Variants in INPP5D observed in about 807,000 individuals in gnomAD.
The protein encoded by INPP5D is inositol polyphosphate-5-phosphatase D.
Under a neutral mutation model 122.9 loss-of-function variants are expected in INPP5D, and 33 were observed. The observed-to-expected ratio is 0.27, with a 90% CI of 0.20 to 0.36. The LOEUF (loss-of-function observed/expected upper bound fraction) is 0.36. Among genes scored for constraint, INPP5D ranks in the 10% least tolerant of loss-of-function variants. The pLI is 1.00. For synonymous variants in INPP5D, 584 were observed against 576.2 expected, an observed-to-expected ratio of 1.01 and a Z score of -0.19; for missense variants, 1,053 against 1,412.7, an observed-to-expected ratio of 0.75 and a Z score of 4.08.
intron 25 of INPP5D, among the ~76,000 whole-genome samples, chr2:233,201,832 TAC>T (rs1389018792): frequency 6.6e-6 from 1 of 152,176 alleles, no homozygotes; most frequent in African/African-American, 2.4e-5. Context: ...ATCTGAGAAG[TAC>T]AGTCATTTGC....
At chr2:233,102,865 C>CAAAAA (rs1559292506) in intron 2 of INPP5D, among the ~76,000 whole-genome samples, 1 of 141,358 alleles carries the variant, frequency 7.1e-6, no homozygotes, top group African/African-American at 2.7e-5. Flanking sequence ...AAAAAAAAAA[C>CAAAAA]AACCAAAAAA....
chr2:233,171,969 T>C (rs1694503309), intron 17 of INPP5D, among the ~76,000 whole-genome samples: 1 of 152,238 alleles, frequency 6.6e-6, no homozygotes, highest in Non-Finnish European at 1.5e-5. Flanking sequence ...GGGCCCCATC[T>C]GGGCTCAGGA....
intron 9 of INPP5D, among the ~76,000 whole-genome samples, chr2:233,150,820 G>A (rs148150189): frequency 6.6e-6 from 1 of 152,170 alleles, no homozygotes; most frequent in Non-Finnish European, 1.5e-5. Context: ...CTTTTGGGGA[G>A]TGAGGGCAGG....
chr2:233,086,703 C>T (rs975082666), intron 2 of INPP5D, among the ~76,000 whole-genome samples: 2 of 152,206 alleles, frequency 1.3e-5, no homozygotes, highest in Non-Finnish European at 2.9e-5. Context: ...TAATTAATTT[C>T]TTTTTGCTCA....
intron 25 of INPP5D, among the ~76,000 whole-genome samples, chr2:233,203,042 G>A (rs1250526161): frequency 2.0e-5 from 3 of 152,236 alleles, no homozygotes; most frequent in Non-Finnish European, 2.9e-5. Context: ...GAAGGACACT[G>A]TGTTAACCGG....
rs568089328 is a variant in INPP5D at position 233,070,309 on chromosome 2, C to T, written c.135-9026C>T. Among the ~76,000 whole-genome samples, 19 of 152,100 alleles carry T rather than the reference C, an allele frequency of 1.2e-4. No homozygotes were observed. The South Asian group carries it at 3.9e-3, about 32-fold the overall frequency. On this transcript the variant is annotated intron_variant, in intron 1 of 26. Coordinates refer to ENST00000445964, the MANE Select transcript of INPP5D (RefSeq NM_001017915.3). ...TATAGTGAAGTCTCTCAGTCTTTTC[C>T]TTTTTTCTCCCTTCGCTTTTCAATG...
chr2:233,144,774 G>C (rs1693715223), intron 6 of INPP5D, among the ~76,000 whole-genome samples: 1 of 152,014 alleles, frequency 6.6e-6, no homozygotes, highest in East Asian at 1.9e-4. Flanking sequence ...TAGTGATGGT[G>C]GTGTTGGTGG....
rs1013056011 is a variant in INPP5D, at chr2:233,090,413, C to A, written c.198+11015C>A. Among the ~76,000 whole-genome samples the A allele has an allele frequency of 3.3e-5, 5 of 152,134 alleles. No homozygotes were observed. In the South Asian group the frequency reaches 1.0e-3, roughly 32 times the overall value. On this transcript the variant is annotated intron_variant, in intron 2 of 26. Transcript: ENST00000445964. The stretch of plus-strand genomic sequence containing the variant: ...GGCTTGTCTGAGTCAAGAGACCCTG[C>A]CAGGCTGGTGGCCATCAGGATGCCC...
At chr2:233,137,353 T>G (rs12617905) in intron 5 of INPP5D, among the ~76,000 whole-genome samples, 1 of 151,362 alleles carries the variant, frequency 6.6e-6, no homozygotes, top group Non-Finnish European at 1.5e-5. Context: ...AAATCATTTT[T>G]AAAAAAAAGG....
Position 233,171,249 on chromosome 2 carries a change from C to CA in INPP5D, c.1989+107dup, listed in dbSNP as rs368505722. ...ACAGAAAGTGTCTTCATCCATTAGG[C>CA]AAAAAAAAAAGGAAAGAAAAAAATT... On this transcript the variant is annotated intron_variant, in intron 17 of 26. Coordinates refer to ENST00000445964, the MANE Select transcript of INPP5D (RefSeq NM_001017915.3). 7,334 of 1,115,590 alleles carry CA rather than the reference C, an allele frequency of 6.6e-3. 1 individual carries two copies. The highest frequency in any genetic ancestry group is 0.011 in the East Asian group (329 of 28,958). 69.1% of individuals were successfully genotyped at this position (1,115,590 alleles called of 1,614,324 possible).
chr2:233,205,391 A>T (rs1331731051), intron 26 of INPP5D: 2 of 149,378 alleles, frequency 1.3e-5, no homozygotes, highest in Non-Finnish European at 3.0e-5. Context: ...ACGGAGTTTC[A>T]CTCTTTGTTG....
intron 2 of INPP5D, among the ~76,000 whole-genome samples, chr2:233,111,955 T>TG (rs138751004): frequency 4.4e-4 from 66 of 150,870 alleles, no homozygotes; most frequent in Non-Finnish European, 7.7e-4. Context: ...CCCAGGTACT[T>TG]GGGGGGGCTG....
rs567797280 is a variant in INPP5D at position 233,183,799 on chromosome 2, G to A, written c.2162-609G>A. On this transcript the variant is annotated intron_variant, in intron 19 of 26. Transcript: ENST00000445964. This position sits in a 1 kb window ranked among gnomAD's most constrained non-coding sequence, Gnocchi z 4.6. ...GATGTGAGGGATGGAGGAAGGAAAG[G>A]TTTGTTCATGGTCTCCGAACAAGTC... 3.3e-5 allele frequency among the ~76,000 whole-genome samples: 5 copies of A among 152,356 alleles called. No homozygotes were observed. Among genetic ancestry groups the A allele is most frequent in the South Asian group, 2.1e-4 (1 of 4,830 alleles).
rs1459111622 is a variant in INPP5D, at chr2:233,078,671, G to A, written c.135-664G>A. 6.7e-6 allele frequency among the ~76,000 whole-genome samples: 1 copy of A among 149,916 alleles called. No homozygotes were observed. Among genetic ancestry groups the A allele is most frequent in the East Asian group, 1.9e-4 (1 of 5,154 alleles). ...CTTCTTCAAACACCCCCTCTTTTTT[G>A]TTGTTTTTTTGTTTTGTTTTGTTTT... On this transcript the variant is annotated intron_variant, in intron 1 of 26. Coordinates refer to ENST00000445964, the MANE Select transcript of INPP5D (RefSeq NM_001017915.3). The surrounding 1 kb of genome is among the most constrained non-coding windows in gnomAD (Gnocchi z 4.6).
chr2:233,107,743 G>A (rs1692505109), intron 2 of INPP5D, among the ~76,000 whole-genome samples: 1 of 152,106 alleles, frequency 6.6e-6, no homozygotes, highest in African/African-American at 2.4e-5. Flanking sequence ...TGCTTGCCGG[G>A]GAGCTGGGAA....
chr2:233,068,762 T>C (rs1691299077), intron 1 of INPP5D, among the ~76,000 whole-genome samples: 1 of 152,102 alleles, frequency 6.6e-6, no homozygotes, highest in African/African-American at 2.4e-5. Flanking sequence ...CTCTGGGGGA[T>C]GCTGAGTTGT....
At chr2:233,134,445 C>T (rs1196285345) in intron 5 of INPP5D, among the ~76,000 whole-genome samples, 1 of 152,074 alleles carries the variant, frequency 6.6e-6, no homozygotes, top group African/African-American at 2.4e-5. Context: ...TCAATGATGT[C>T]CAGGTCTATT....
chr2:233,123,452 CAA>C (rs34144613), intron 3 of INPP5D, among the ~76,000 whole-genome samples: 8 of 117,746 alleles, frequency 6.8e-5, no homozygotes, highest in African/African-American at 1.0e-4. Context: ...GACTCCGTCT[CAA>C]AAAAAAAAAA....
chr2:233,061,775 A>G (rs773903078), intron 1 of INPP5D, among the ~76,000 whole-genome samples: 2 of 152,232 alleles, frequency 1.3e-5, no homozygotes, highest in Non-Finnish European at 2.9e-5. Context: ...AGCCACGGCC[A>G]TCTGCCCCCA....
Sources: gnomAD v4.1 joint callset for allele counts (sites outside exome capture counted in the v4.1 genomes callset) on GRCh38, gnomAD v4.1.1 for gene constraint, Gnocchi (gnomAD v3.1) non-coding constraint, MANE v1.5 for transcripts, NCBI Gene and HGNC (gene_info 2026-07-23, HGNC 2026-07-21) for gene names.